Variants in CLEC16A observed in about 807,000 individuals in gnomAD.
CLEC16A encodes the protein protein CLEC16A.
In CLEC16A, 51 loss-of-function variants were observed where a neutral mutation model predicts 109.5. The observed-to-expected ratio is 0.47, with a 90% CI of 0.37 to 0.59. The LOEUF is 0.59. CLEC16A is among the 20% of genes least tolerant of loss of function. The probability of loss-of-function intolerance (pLI) is 0.00; values close to 1 mark genes in which losing one functional copy is unlikely to be tolerated. For missense variants in CLEC16A, 1,339 were observed against 1,394.0 expected, an observed-to-expected ratio of 0.96 and a Z score of 0.63; for synonymous variants, 673 against 564.2, an observed-to-expected ratio of 1.19 and a Z score of -2.73.
At chr16:11,016,326 G>A (rs8062762) in intron 11 of CLEC16A, among the ~76,000 whole-genome samples, 7,447 of 149,826 alleles carry the variant, frequency 0.05, 666 homozygotes, top group African/African-American at 0.17. Context: ...TCTGCACCAC[G>A]TTCGAACTCT....
intron 10 of CLEC16A, among the ~76,000 whole-genome samples, chr16:10,992,860 T>G (rs1475165930): frequency 6.6e-6 from 1 of 151,946 alleles, no homozygotes; most frequent in Non-Finnish European, 1.5e-5. Flanking sequence ...AGAAGCAACT[T>G]TGGGAGGTAT....
chr16:11,143,548 A>T (rs2053933203), intron 22 of CLEC16A, among the ~76,000 whole-genome samples: 1 of 152,170 alleles, frequency 6.6e-6, no homozygotes, highest in African/African-American at 2.4e-5. Flanking sequence ...ACCTTCATTT[A>T]ACCTAAAACA....
intron 23 of CLEC16A, among the ~76,000 whole-genome samples, chr16:11,168,775 G>A (rs565418912): frequency 1.4e-4 from 21 of 152,382 alleles, no homozygotes; most frequent in African/African-American, 4.1e-4. Flanking sequence ...TCTGCCTGCT[G>A]TTCCAGCAAG....
chr16:11,045,461 A>T (rs1406248182), intron 16 of CLEC16A, among the ~76,000 whole-genome samples: 1 of 152,184 alleles, frequency 6.6e-6, no homozygotes, highest in East Asian at 1.9e-4. Context: ...GCACCATCTT[A>T]CTGGATGACC....
intron 22 of CLEC16A, among the ~76,000 whole-genome samples, chr16:11,150,513 CCT>C (rs1362100100): frequency 2.0e-5 from 3 of 152,328 alleles, no homozygotes; most frequent in African/African-American, 7.2e-5. Context: ...CTTGGGCACA[CCT>C]CTCTCTGTGT....
At chr16:11,016,663 G>C (rs1411980520) in intron 11 of CLEC16A, among the ~76,000 whole-genome samples, 3 of 152,116 alleles carry the variant, frequency 2.0e-5, no homozygotes, top group Non-Finnish European at 2.9e-5. Context: ...CCATATCTGT[G>C]TACTGTTTGC....
chr16:11,019,490 C>T (rs2045965214), intron 11 of CLEC16A, among the ~76,000 whole-genome samples: 1 of 152,222 alleles, frequency 6.6e-6, no homozygotes, highest in Non-Finnish European at 1.5e-5. Flanking sequence ...AGCTTTAGGC[C>T]AGACATGGTG....
chr16:11,010,017 G>A (rs1378733973), intron 11 of CLEC16A, among the ~76,000 whole-genome samples: 3 of 152,152 alleles, frequency 2.0e-5, no homozygotes, highest in African/African-American at 7.2e-5. Context: ...GCCAGTCACA[G>A]CGGTGTGTGC....
intron 22 of CLEC16A, among the ~76,000 whole-genome samples, chr16:11,127,198 A>G (rs75863749): frequency 0.08 from 12,132 of 152,260 alleles, 543 homozygotes; most frequent in East Asian, 0.12. Context: ...CACATGGGGT[A>G]TACCGTATGT....
intron 5 of CLEC16A, among the ~76,000 whole-genome samples, chr16:10,971,966 G>T (rs2146377947): frequency 6.6e-6 from 1 of 152,262 alleles, no homozygotes; most frequent in South Asian, 2.1e-4. Flanking sequence ...CCCTAATGAG[G>T]GTGGGGGCTT....
chr16:11,002,948 A>G (rs557117037), intron 10 of CLEC16A, 126 bp from the exon 11 acceptor site: 62 of 705,936 alleles, frequency 8.8e-5, no homozygotes, highest in Non-Finnish European at 1.3e-4. Context: ...GAGTGCAGCT[A>G]TCTTATGATA....
At chr16:11,128,167 C>G (rs1290175882) in intron 22 of CLEC16A, among the ~76,000 whole-genome samples, 1 of 152,234 alleles carries the variant, frequency 6.6e-6, no homozygotes, top group African/African-American at 2.4e-5. Context: ...GGCCTTATTT[C>G]TGTTCTGAGC....
chr16:11,081,583 C>T (rs1303847916), intron 19 of CLEC16A, among the ~76,000 whole-genome samples: 2 of 152,166 alleles, frequency 1.3e-5, no homozygotes, highest in African/African-American at 4.8e-5. Context: ...CCCCTCCCCA[C>T]CTAGTCACAA....
chr16:10,971,292 C>G, intron 5 of CLEC16A, 62 bp downstream of exon 5: 1 of 1,177,212 alleles, frequency 8.5e-7, no homozygotes, highest in Non-Finnish European at 1.3e-6. Context: ...GCACTCACTC[C>G]CGTGTGTGTG....
chr16:11,120,002 C>A (rs974046140), intron 19 of CLEC16A, among the ~76,000 whole-genome samples: 11 of 151,766 alleles, frequency 7.2e-5, no homozygotes, highest in African/African-American at 2.7e-4. Context: ...CGGAGTTTTG[C>A]TCTTATTGCC....
chr16:11,099,431 G>A (rs1427884292), intron 19 of CLEC16A, among the ~76,000 whole-genome samples: 1 of 152,238 alleles, frequency 6.6e-6, no homozygotes, highest in Non-Finnish European at 1.5e-5. Context: ...TGGATAGCAA[G>A]ACAACGGAAA....
chr16:11,039,912 C>T (rs200622369), intron 14 of CLEC16A, 36 bp downstream of exon 14: 296 of 1,604,120 alleles, frequency 1.8e-4, no homozygotes, highest in Non-Finnish European at 2.5e-4. Context: ...CACAGGGCCA[C>T]GCAGTTGTAG....
In CLEC16A at chr16:11,174,255, C is replaced by T. The variant is rs1302191123; in HGVS notation, c.2807-4080C>T. 5 of 465,350 alleles carry T rather than the reference C, an allele frequency of 1.1e-5. No homozygotes were observed. The highest frequency in any genetic ancestry group is 7.7e-5 in the South Asian group (5 of 64,558). 28.8% of individuals were successfully genotyped at this position (465,350 alleles called of 1,614,324 possible). A position where few individuals can be genotyped will look rare whatever the true frequency, so the allele number is the denominator to read the frequency against. On this transcript the variant is annotated intron_variant, in intron 23 of 23. Coordinates refer to ENST00000409790, the MANE Select transcript of CLEC16A (RefSeq NM_015226.3). The surrounding 1 kb of genome is among the most constrained non-coding windows in gnomAD (Gnocchi z 4.7). The stretch of plus-strand genomic sequence containing the variant: ...GTGCTCCGAACGGCAGCTGCCACGG[C>T]ACCTCACGCACAGTCAATTCAGGCA...
At chr16:10,972,506 T>G in intron 5 of CLEC16A, 48 bp from the exon 6 acceptor site, 1 of 1,597,068 alleles carries the variant, frequency 6.3e-7, no homozygotes, top group East Asian at 2.2e-5. Flanking sequence ...AACTGTTGTC[T>G]GTTTTTTGCT....
Sources: gnomAD v4.1 joint callset for allele counts (sites outside exome capture counted in the v4.1 genomes callset) on GRCh38, gnomAD v4.1.1 for gene constraint, Gnocchi (gnomAD v3.1) non-coding constraint, MANE v1.5 for transcripts, NCBI Gene and HGNC (gene_info 2026-07-23, HGNC 2026-07-21) for gene names.